TENM3: variants seen among roughly 807,000 people sequenced by gnomAD.
TENM3 encodes the protein teneurin-3.
TENM3 carries 63 observed loss-of-function variants against 255.1 expected under a neutral mutation model. The ratio of observed to expected loss-of-function variants is 0.25; its 90% CI spans 0.20 to 0.30. TENM3 has a LOEUF of 0.30. Among genes scored for constraint, TENM3 ranks in the 10% least tolerant of loss-of-function variants. The pLI is 1.00. For missense variants in TENM3, 2,929 were observed against 3,461.1 expected (o/e 0.85, Z 3.86); for synonymous variants, 1,306 against 1,322.3 (o/e 0.99, Z 0.27).
the TENM3 span, among the ~76,000 whole-genome samples, chr4:181,694,569 G>A: frequency 6.6e-6 from 1 of 152,172 alleles, no homozygotes; most frequent in Non-Finnish European, 1.5e-5. Context: ...CTTCTTTACA[G>A]GTTGCTTTCA....
At chr4:181,984,354 C>T in the TENM3 span, among the ~76,000 whole-genome samples, 71 of 152,152 alleles carry the variant, frequency 4.7e-4, no homozygotes, top group African/African-American at 1.4e-3. Context: ...AAGCAATTTA[C>T]AGAAAATGTA....
the TENM3 span, among the ~76,000 whole-genome samples, chr4:181,778,523 C>T: frequency 7.9e-5 from 12 of 152,082 alleles, no homozygotes; most frequent in South Asian, 2.1e-4. Flanking sequence ...CAGCAGATCC[C>T]GCCGTGTTTC....
At chr4:181,931,175 G>A in the TENM3 span, among the ~76,000 whole-genome samples, 1 of 152,136 alleles carries the variant, frequency 6.6e-6, no homozygotes, top group African/African-American at 2.4e-5. Context: ...GGGCAATCAG[G>A]CAAGAGAAAG....
the TENM3 span, among the ~76,000 whole-genome samples, chr4:181,466,159 C>T: frequency 1.3e-5 from 2 of 148,522 alleles, no homozygotes; most frequent in African/African-American, 5.0e-5. Context: ...CTCTTGTCCC[C>T]CAGGCTAGAG....
At chr4:181,948,464 G>A in the TENM3 span, among the ~76,000 whole-genome samples, 1 of 152,124 alleles carries the variant, frequency 6.6e-6, no homozygotes, top group Non-Finnish European at 1.5e-5. Context: ...CACCCAGGCT[G>A]GAGTTCAGTG....
Position 182,310,727 on chromosome 4 carries a change from GAC to G in TENM3, c.-75-13217_-75-13216del, listed in dbSNP as rs530761996. 3.6e-3 allele frequency among the ~76,000 whole-genome samples: 550 copies of G among 151,802 alleles called. 3 individuals carry two copies. The highest frequency in any genetic ancestry group is 0.013 in the African/African-American group (519 of 41,396). ...GGTTTTTTTGTTTGTTTGTTTTTGA[GAC>G]AGAGTCTCACTCTGTTGACCAGGCT... On this transcript the variant is annotated intron_variant, in intron 1 of 27. Transcript: ENST00000511685.
chr4:182,066,597 A>ATATATATAT, the TENM3 span, among the ~76,000 whole-genome samples: 2 of 24,416 alleles, frequency 8.2e-5, no homozygotes, highest in Non-Finnish European at 3.1e-4. Flanking sequence ...TGGTAAAAAA[A>ATATATATAT]AAATATATAT....
At chr4:181,466,081 C>T in the TENM3 span, among the ~76,000 whole-genome samples, 2 of 151,210 alleles carry the variant, frequency 1.3e-5, no homozygotes, top group South Asian at 4.2e-4. Flanking sequence ...TGGATAATGC[C>T]TATGTGGAAG....
At chr4:182,514,237 G>A (rs896108161) in intron 3 of TENM3, among the ~76,000 whole-genome samples, 2 of 152,204 alleles carry the variant, frequency 1.3e-5, no homozygotes, top group Non-Finnish European at 2.9e-5. Context: ...AAATGGGGAT[G>A]AGGAGAAACA....
At chr4:182,218,659 G>A (rs1035681678) in intron 1 of TENM3, among the ~76,000 whole-genome samples, 2 of 152,176 alleles carry the variant, frequency 1.3e-5, no homozygotes, top group African/African-American at 2.4e-5. Context: ...GGGTCAAAAT[G>A]ATCCATTATT....
intron 1 of TENM3, among the ~76,000 whole-genome samples, chr4:182,194,778 C>A (rs1277700505): frequency 6.6e-6 from 1 of 152,060 alleles, no homozygotes; most frequent in Non-Finnish European, 1.5e-5. Flanking sequence ...TCACGGTCTT[C>A]CGTGTTATTT....
chr4:181,914,960 G>A, the TENM3 span, among the ~76,000 whole-genome samples: 1 of 152,180 alleles, frequency 6.6e-6, no homozygotes, highest in South Asian at 2.1e-4. Flanking sequence ...TCCATTTACA[G>A]ATGACCAGGC....
the TENM3 span, among the ~76,000 whole-genome samples, chr4:181,516,000 GA>G: frequency 3.5e-4 from 54 of 152,166 alleles, no homozygotes; most frequent in Non-Finnish European, 4.0e-4. Context: ...ATGCATCATG[GA>G]ATACTATGCA....
At chr4:181,821,420 T>C in the TENM3 span, 1 of 152,190 alleles carries the variant, frequency 6.6e-6, no homozygotes, top group Non-Finnish European at 1.5e-5. Context: ...ATAATGAGAC[T>C]CCTTGAAGAC....
the TENM3 span, among the ~76,000 whole-genome samples, chr4:181,688,399 A>G: frequency 6.6e-6 from 1 of 152,196 alleles, no homozygotes; most frequent in Non-Finnish European, 1.5e-5. Context: ...AAAATGAAAA[A>G]TCAGTACTTT....
the TENM3 span, among the ~76,000 whole-genome samples, chr4:181,493,015 T>C: frequency 2.6e-5 from 4 of 151,062 alleles, no homozygotes; most frequent in Non-Finnish European, 4.4e-5. Flanking sequence ...ACCAGACCAT[T>C]GTGAGAAAAA....
the TENM3 span, among the ~76,000 whole-genome samples, chr4:181,594,279 G>C: frequency 6.6e-6 from 1 of 151,974 alleles, no homozygotes; most frequent in Non-Finnish European, 1.5e-5. Flanking sequence ...TTGCTAATTA[G>C]CTTTTTATTT....
At chr4:181,697,454 C>A in the TENM3 span, among the ~76,000 whole-genome samples, 1 of 152,128 alleles carries the variant, frequency 6.6e-6, no homozygotes, top group African/African-American at 2.4e-5. Flanking sequence ...AGTGCAGTGG[C>A]GTGATCTTGG....
At chr4:181,871,458 T>C in the TENM3 span, among the ~76,000 whole-genome samples, 1 of 152,226 alleles carries the variant, frequency 6.6e-6, no homozygotes, top group Admixed American at 6.5e-5. Context: ...GTAGATTTTT[T>C]ATAGATTCCT....
Sources: allele counts gnomAD v4.1 joint callset (sites outside exome capture counted in the v4.1 genomes callset), GRCh38; gene constraint gnomAD v4.1.1; transcripts MANE v1.5; gene names NCBI Gene and HGNC (gene_info 2026-07-23, HGNC 2026-07-21).